The following AGO3 variants were observed in gnomAD, a reference collection of about 807,000 sequenced individuals.
AGO3 encodes argonaute RISC catalytic component 3.
AGO3 carries 16 observed loss-of-function variants against 105.5 expected under a neutral mutation model. The ratio of observed to expected loss-of-function variants is 0.15; its 90% CI spans 0.10 to 0.23. AGO3 has a LOEUF of 0.23. Ranked by LOEUF, AGO3 falls within the 10% of genes least tolerant of loss-of-function variation. The pLI is 1.00. For synonymous variants in AGO3, 340 were observed against 367.3 expected (o/e 0.93, Z 0.85); for missense variants, 534 against 1,088.0 (o/e 0.49, Z 7.16).
chr1:35,958,011 GC>G (rs534329331), intron 2 of AGO3, among the ~76,000 whole-genome samples: 3 of 152,140 alleles, frequency 2.0e-5, no homozygotes, highest in Non-Finnish European at 4.4e-5. Flanking sequence ...GCTGCAGTGA[GC>G]CATGATTGCA....
intron 5 of AGO3, among the ~76,000 whole-genome samples, chr1:35,995,420 C>T (rs1648231595): frequency 6.6e-6 from 1 of 151,848 alleles, no homozygotes; most frequent in African/African-American, 2.4e-5. Flanking sequence ...TAAAGATTGT[C>T]AGGTTACAGA....
intron 16 of AGO3, among the ~76,000 whole-genome samples, chr1:36,043,054 A>G (rs956276072): frequency 3.3e-5 from 5 of 152,196 alleles, no homozygotes; most frequent in African/African-American, 1.2e-4. Flanking sequence ...CTCTCTCTCT[A>G]AACATCTAGT....
intron 16 of AGO3, among the ~76,000 whole-genome samples, chr1:36,042,471 A>G (rs1642289610): frequency 6.6e-6 from 1 of 152,216 alleles, no homozygotes. Flanking sequence ...GGCATAATTT[A>G]GTAGATTATG....
intron 14 of AGO3, among the ~76,000 whole-genome samples, chr1:36,036,902 G>C (rs1642036094): frequency 6.6e-6 from 1 of 151,854 alleles, no homozygotes; most frequent in South Asian, 2.1e-4. Context: ...CACCATGTTG[G>C]CCAGGCTGGT....
Position 36,071,044 on chromosome 1 carries a change from T to G in AGO3, c.*15299T>G, listed in dbSNP as rs1323928550. ...ATATAGAAAAAAATAATGTCTTTCT[T>G]TAGTGTTTGGGGGACTCAATGGTAA... On this transcript the variant is annotated 3_prime_UTR_variant, in exon 19 of 19. Coordinates refer to ENST00000373191, the MANE Select transcript of AGO3 (RefSeq NM_024852.4). The G allele has an allele frequency of 2.0e-5, 3 of 152,176 alleles. No individual in the cohort carries two copies. The highest frequency in any genetic ancestry group is 1.3e-4 in the Admixed American group (2 of 15,276). 9.4% of individuals were successfully genotyped at this position (152,176 alleles called of 1,614,324 possible).
chr1:36,016,924 A>G (rs1206594859), intron 11 of AGO3, among the ~76,000 whole-genome samples: 4 of 152,166 alleles, frequency 2.6e-5, no homozygotes, highest in Non-Finnish European at 5.9e-5. Flanking sequence ...GTCCAAAACA[A>G]TGGCCTCCCA....
chr1:35,959,641 T>G (rs1446770313), intron 2 of AGO3, among the ~76,000 whole-genome samples: 7 of 152,186 alleles, frequency 4.6e-5, no homozygotes, highest in Non-Finnish European at 1.0e-4. Flanking sequence ...AATATTTTGC[T>G]AAAAGTACTG....
In AGO3 at chr1:35,973,648, C is replaced by G. The variant is rs3736910; in HGVS notation, c.658+137C>G. 48,041 of 1,018,868 alleles carry G rather than the reference C, an allele frequency of 0.047. 9,721 individuals are homozygous for G. In the East Asian group the frequency reaches 0.68, roughly 14 times the overall value. The allele number at this position is 1,018,868 out of a possible 1,614,324, so 63.1% of individuals were successfully genotyped here. A position where few individuals can be genotyped will look rare whatever the true frequency, so the allele number is the denominator to read the frequency against. On this transcript the variant is annotated intron_variant, in intron 5 of 18. Transcript: ENST00000373191. ...ATGTATTATGATCTACTGGAGAAACCTTTATATTTTTATTACATTTCATTT... is the reference window on the plus strand; with the variant it reads ...ATGTATTATGATCTACTGGAGAAACGTTTATATTTTTATTACATTTCATTT...
chr1:35,970,115 GGT>G (rs1335198013), intron 3 of AGO3, among the ~76,000 whole-genome samples: 1 of 152,072 alleles, frequency 6.6e-6, no homozygotes, highest in African/African-American at 2.4e-5. Context: ...GAGGATCTCT[GGT>G]TTCTTTTAGT....
intron 5 of AGO3, among the ~76,000 whole-genome samples, chr1:35,994,614 CTACAT>C (rs1195715806): frequency 1.3e-5 from 2 of 152,030 alleles, no homozygotes; most frequent in African/African-American, 4.8e-5. Flanking sequence ...ACATAATACT[CTACAT>C]TAAAGAATCT....
chr1:35,971,457 C>CCTTTTTTTTTT (rs1646869417), intron 3 of AGO3, among the ~76,000 whole-genome samples: 1 of 151,570 alleles, frequency 6.6e-6, no homozygotes, highest in Non-Finnish European at 1.5e-5. Context: ...CTGCGCCTGG[C>CCTTTTTTTTTT]CTTTTTTTTT....
At chr1:35,994,261 T>A (rs774124413) in intron 5 of AGO3, among the ~76,000 whole-genome samples, 2 of 151,904 alleles carry the variant, frequency 1.3e-5, no homozygotes, top group Non-Finnish European at 2.9e-5. Context: ...AGTTCATTTT[T>A]TGAGGCTGGT....
At chr1:36,009,828 C>A (rs1313228877) in intron 9 of AGO3, among the ~76,000 whole-genome samples, 1 of 151,896 alleles carries the variant, frequency 6.6e-6, no homozygotes, top group African/African-American at 2.4e-5. Flanking sequence ...GGGAACAGAT[C>A]CTCTCAGAAG....
chr1:35,962,032 G>A (rs1243751442), intron 2 of AGO3, among the ~76,000 whole-genome samples: 1 of 152,104 alleles, frequency 6.6e-6, no homozygotes, highest in Non-Finnish European at 1.5e-5. Context: ...AGTAATTTAT[G>A]TTTTTAACAT....
chr1:35,940,634 C>T (rs1178389993), intron 1 of AGO3, among the ~76,000 whole-genome samples: 1 of 152,138 alleles, frequency 6.6e-6, no homozygotes, highest in Non-Finnish European at 1.5e-5. Flanking sequence ...TTTGAACTTA[C>T]TACAGTTGGG....
At chr1:35,952,603 C>G (rs1646494319) in intron 2 of AGO3, among the ~76,000 whole-genome samples, 1 of 152,056 alleles carries the variant, frequency 6.6e-6, no homozygotes, top group Admixed American at 6.6e-5. Context: ...TGATGGTGGT[C>G]CCATAAGATT....
chr1:36,003,709 A>AAAATATAT (rs1295618675), intron 5 of AGO3, among the ~76,000 whole-genome samples: 37 of 99,400 alleles, frequency 3.7e-4, no homozygotes, highest in East Asian at 2.3e-3. Context: ...AAAAAAAAAA[A>AAAATATAT]ATATATATAT....
intron 11 of AGO3, among the ~76,000 whole-genome samples, chr1:36,022,919 C>T (rs1425268370): frequency 9.1e-6 from 1 of 110,192 alleles, no homozygotes; most frequent in African/African-American, 3.3e-5. Context: ...GAGACTCCGT[C>T]TCAAAAAAAA....
intron 2 of AGO3, among the ~76,000 whole-genome samples, chr1:35,952,064 A>G (rs557392510): frequency 6.6e-6 from 1 of 151,222 alleles, no homozygotes; most frequent in African/African-American, 2.4e-5. Flanking sequence ...GTCCTTGCCA[A>G]CCACTAATCT....
Sources: gnomAD v4.1 joint callset for allele counts (sites outside exome capture counted in the v4.1 genomes callset) on GRCh38, gnomAD v4.1.1 for gene constraint, MANE v1.5 for transcripts, NCBI Gene and HGNC (gene_info 2026-07-23, HGNC 2026-07-21) for gene names.